The following ACAA2 variants were observed in gnomAD, a reference collection of about 807,000 sequenced individuals.
ACAA2 encodes acetyl-CoA acyltransferase 2, also known as 3-ketoacyl-CoA thiolase, mitochondrial.
A neutral mutation model predicts 44.8 loss-of-function variants in ACAA2; 35 were observed. The observed-to-expected ratio is 0.78, with a 90% CI of 0.60 to 1.04. The LOEUF is 1.04. Among genes scored for constraint, ACAA2 ranks in the 50% least tolerant of loss-of-function variants. The pLI, the probability that ACAA2 is intolerant of heterozygous loss-of-function variation, is 0.00. For synonymous variants in ACAA2, 142 were observed against 166.5 expected, an observed-to-expected ratio of 0.85 and a Z score of 1.13; for missense variants, 468 against 482.6, an observed-to-expected ratio of 0.97 and a Z score of 0.28.
At chr18:49,792,737 C>T (rs9947385) in intron 5 of ACAA2, among the ~76,000 whole-genome samples, 1,627 of 152,272 alleles carry the variant, frequency 0.011, 48 homozygotes, top group African/African-American at 0.037. Flanking sequence ...TGAGCCACCA[C>T]GCTCAGCCTG....
chr18:49,802,611 G>A, intron 2 of ACAA2, 76 bp downstream of exon 2: 2 of 1,271,932 alleles, frequency 1.6e-6, no homozygotes, highest in Non-Finnish European at 2.2e-6. Context: ...TTACCATTAT[G>A]ATATGTTAAA....
rs778423944 is a variant in ACAA2 at position 49,794,330 on chromosome 18, CT to C, written c.526del (p.Arg176GlufsTer33). On this transcript the variant is annotated frameshift_variant, in exon 5 of 10. Transcript: ENST00000285093. LOFTEE classifies it high-confidence loss of function. ...CAGGGCATATTTGTCACATTCTTCT[CT>C]GCTTATTTTGTGTTTTACAGCAAGA... ...ENLAVKHKIS[R>X]EECDKYALQS... 6.8e-6 allele frequency: 11 copies of C among 1,610,500 alleles called. No homozygotes were observed. The highest frequency in any genetic ancestry group is 9.3e-6 in the Non-Finnish European group (11 of 1,179,482).
At chr18:49,791,689 G>A (rs1306872553) in intron 6 of ACAA2, 90 bp from the exon 7 acceptor site, 3 of 1,358,580 alleles carry the variant, frequency 2.2e-6, no homozygotes, top group African/African-American at 1.4e-5. Flanking sequence ...TTAGGAATAT[G>A]GCAGTACATA....
chr18:49,794,277 C>T lies in ACAA2; in HGVS notation c.577+3G>A, dbSNP rs1451759401. On this transcript the variant is annotated splice_donor_region_variant and intron_variant, in intron 5 of 9. Coordinates refer to ENST00000285093, the MANE Select transcript of ACAA2 (RefSeq NM_006111.3). The stretch of plus-strand genomic sequence containing the variant: ...GATACTGATACTTTCCAGTTTCACT[C>T]ACCAGCTTTCCATCTCTGCTGTGAC... The T allele has an allele frequency of 4.2e-5, 67 of 1,594,812 alleles. No individual in the cohort carries two copies. The highest frequency in any genetic ancestry group is 5.1e-5 in the Non-Finnish European group (60 of 1,174,826).
chr18:49,792,977 A>G (rs1297098394), intron 5 of ACAA2, among the ~76,000 whole-genome samples: 14 of 152,102 alleles, frequency 9.2e-5, no homozygotes, highest in Non-Finnish European at 1.8e-4. Context: ...TTTTTTAACC[A>G]CAATTTTTTT....
chr18:49,803,168 A>C (rs780622122), intron 1 of ACAA2, among the ~76,000 whole-genome samples: 8 of 151,644 alleles, frequency 5.3e-5, no homozygotes, highest in Non-Finnish European at 8.8e-5. Flanking sequence ...AAAAAAGCAA[A>C]AAGTTAAAAA....
intron 2 of ACAA2, among the ~76,000 whole-genome samples, chr18:49,797,828 A>T (rs547850815): frequency 5.2e-4 from 79 of 152,342 alleles, no homozygotes; most frequent in African/African-American, 1.8e-3. Flanking sequence ...CAAAATACAC[A>T]TAACAAAATG....
chr18:49,786,444 A>T (rs2023330002), intron 8 of ACAA2: 1 of 152,202 alleles, frequency 6.6e-6, no homozygotes, highest in Non-Finnish European at 1.5e-5. Flanking sequence ...AATAAATTAA[A>T]CAGCCTCTTT....
chr18:49,791,347 G>C, intron 7 of ACAA2, 123 bp downstream of exon 7: 1 of 864,492 alleles, frequency 1.2e-6, no homozygotes, highest in Non-Finnish European at 1.8e-6. Context: ...TATTTAAACT[G>C]ATTACCAATC....
chr18:49,797,881 T>C (rs142569685), intron 2 of ACAA2, among the ~76,000 whole-genome samples: 45 of 152,354 alleles, frequency 3.0e-4, no homozygotes, highest in African/African-American at 1.1e-3. Flanking sequence ...AATGGTATTA[T>C]TTAAATACAT....
At chr18:49,784,776 A>C (rs554537971) in intron 9 of ACAA2, among the ~76,000 whole-genome samples, 1 of 152,216 alleles carries the variant, frequency 6.6e-6, no homozygotes, top group South Asian at 2.1e-4. Flanking sequence ...ACTTAGACCC[A>C]AATGTCAGTT....
chr18:49,803,568 T>G (rs1403609984), intron 1 of ACAA2, among the ~76,000 whole-genome samples: 1 of 152,202 alleles, frequency 6.6e-6, no homozygotes, highest in African/African-American at 2.4e-5. Context: ...CTGAGGAGTT[T>G]TGACTGTGGC....
At chr18:49,791,405 T>C (rs1323879586) in intron 7 of ACAA2, 65 bp downstream of exon 7, 11 of 1,545,462 alleles carry the variant, frequency 7.1e-6, no homozygotes, top group East Asian at 4.6e-5. Context: ...TTCAGGACTC[T>C]GAATGCCAAA....
intron 2 of ACAA2, among the ~76,000 whole-genome samples, chr18:49,799,451 G>A (rs891909038): frequency 1.1e-4 from 17 of 152,182 alleles, no homozygotes; most frequent in Non-Finnish European, 2.1e-4. Context: ...TCCTAACCGC[G>A]AGTGATCCGC....
intron 1 of ACAA2, chr18:49,811,329 T>A (rs2023667816): frequency 6.6e-6 from 1 of 152,094 alleles, no homozygotes; most frequent in African/African-American, 2.4e-5. Context: ...GAGGGCAAAT[T>A]AAGGAAAGCT....
chr18:49,786,535 A>T (rs1045668436), intron 8 of ACAA2: 1 of 152,188 alleles, frequency 6.6e-6, no homozygotes, highest in Non-Finnish European at 1.5e-5. Flanking sequence ...TTCCTGTGTG[A>T]GAGATTATCA....
At chr18:49,803,814 C>CT (rs1050732597) in intron 1 of ACAA2, among the ~76,000 whole-genome samples, 3 of 152,092 alleles carry the variant, frequency 2.0e-5, no homozygotes, top group African/African-American at 7.2e-5. Context: ...AAAAGGTTCT[C>CT]TCTAAACCTC....
intron 2 of ACAA2, among the ~76,000 whole-genome samples, chr18:49,798,861 G>A (rs573277343): frequency 9.2e-5 from 14 of 151,988 alleles, no homozygotes; most frequent in South Asian, 4.2e-4. Context: ...CATATCAACA[G>A]AATAAAAAAA....
chr18:49,785,655 G>T, intron 8 of ACAA2: 3 of 335,578 alleles, frequency 8.9e-6, no homozygotes, highest in Non-Finnish European at 1.6e-5. Flanking sequence ...CTGGATGGAT[G>T]GTTCAAATAT....
Sources: gnomAD v4.1 joint callset for allele counts (sites outside exome capture counted in the v4.1 genomes callset) on GRCh38, gnomAD v4.1.1 for gene constraint, MANE v1.5 for transcripts, NCBI Gene and HGNC (gene_info 2026-07-23, HGNC 2026-07-21) for gene names.